PARD3B: variants seen among roughly 807,000 people sequenced by gnomAD.
PARD3B encodes par-3 family cell polarity regulator beta, also known as partitioning defective 3 homolog B.
In PARD3B, 103 loss-of-function variants were observed where a neutral mutation model predicts 130.2. The observed-to-expected ratio is 0.79, with a 90% CI of 0.67 to 0.93. PARD3B has a LOEUF of 0.93. Among genes scored for constraint, PARD3B ranks in the 40% least tolerant of loss-of-function variants. The pLI, the probability that PARD3B is intolerant of heterozygous loss-of-function variation, is 0.00. For synonymous variants in PARD3B, 583 were observed against 553.2 expected (o/e 1.05, Z -0.76); for missense variants, 1,609 against 1,499.2 (o/e 1.07, Z -1.21).
At chr2:205,499,786 T>C (rs2050089496) in intron 20 of PARD3B, 110 bp from the exon 21 acceptor site, 2 of 1,208,934 alleles carry the variant, frequency 1.7e-6, no homozygotes, top group Non-Finnish European at 2.3e-6. Flanking sequence ...TTGAATTACA[T>C]TATTGAATCT....
At chr2:205,289,624 A>G (rs1427334237) in intron 16 of PARD3B, among the ~76,000 whole-genome samples, 1 of 152,182 alleles carries the variant, frequency 6.6e-6, no homozygotes, top group Non-Finnish European at 1.5e-5. Flanking sequence ...CTGGAAACAC[A>G]GCTCCCAGTG....
At chr2:205,086,375 A>G (rs947887843) in intron 4 of PARD3B, among the ~76,000 whole-genome samples, 2 of 152,150 alleles carry the variant, frequency 1.3e-5, no homozygotes, top group Non-Finnish European at 2.9e-5. Context: ...TTTATTTTCC[A>G]TGAAGATGCA....
intron 21 of PARD3B, among the ~76,000 whole-genome samples, chr2:205,516,530 G>C (rs1436660564): frequency 1.3e-5 from 2 of 152,032 alleles, no homozygotes; most frequent in Non-Finnish European, 2.9e-5. Context: ...TCTTTTGGTG[G>C]CAGTTGTGAA....
intron 21 of PARD3B, among the ~76,000 whole-genome samples, chr2:205,504,716 C>G (rs533540916): frequency 5.9e-5 from 9 of 152,080 alleles, no homozygotes; most frequent in Non-Finnish European, 1.3e-4. Flanking sequence ...GTTAGAATGG[C>G]GATCATTAAA....
chr2:204,678,809 G>A lies in PARD3B; in HGVS notation c.121-7372G>A, dbSNP rs1432337573. 2.0e-5 allele frequency among the ~76,000 whole-genome samples: 3 copies of A among 152,118 alleles called. No homozygotes were observed. The highest frequency in any genetic ancestry group is 4.4e-5 in the Non-Finnish European group (3 of 68,020). On this transcript the variant is annotated intron_variant, in intron 1 of 22. Transcript: ENST00000406610. This position sits in a 1 kb window ranked among gnomAD's most constrained non-coding sequence, Gnocchi z 4.2. ...ATAACTGTTTTCATTTAGGGCTGCA[G>A]ATTCCAGGCTCGAGGGTGGGTTCTT...
intron 16 of PARD3B, among the ~76,000 whole-genome samples, chr2:205,297,616 AG>A (rs1241233888): frequency 6.6e-6 from 1 of 152,184 alleles, no homozygotes; most frequent in Non-Finnish European, 1.5e-5. Flanking sequence ...CCCCCAGTTC[AG>A]TCAGTTCACT....
intron 10 of PARD3B, among the ~76,000 whole-genome samples, chr2:205,141,467 C>A (rs1369775031): frequency 6.6e-6 from 1 of 152,066 alleles, no homozygotes; most frequent in African/African-American, 2.4e-5. Flanking sequence ...TTAATTTGAA[C>A]AGGGTAGTTG....
Position 204,546,794 on chromosome 2 carries a change from A to G in PARD3B, c.120+675A>G, listed in dbSNP as rs144000291. Among the ~76,000 whole-genome samples the G allele has an allele frequency of 1.4e-3, 218 of 152,344 alleles. 1 individual carries two copies. Among genetic ancestry groups the G allele is most frequent in the African/African-American group, 5.0e-3 (209 of 41,576 alleles). ...CAGGTCCTGAGTGACTATTAAAATG[A>G]GAAAGACGTTCCTAGCTCTGTAGCT... On this transcript the variant is annotated intron_variant, in intron 1 of 22. Transcript: ENST00000406610.
At chr2:204,868,103 G>A (rs541485439) in intron 2 of PARD3B, among the ~76,000 whole-genome samples, 15 of 152,234 alleles carry the variant, frequency 9.9e-5, no homozygotes, top group African/African-American at 3.6e-4. Flanking sequence ...TCTCACTTCT[G>A]GGGTGGTGAA....
intron 1 of PARD3B, among the ~76,000 whole-genome samples, chr2:204,601,377 C>G (rs979751796): frequency 2.0e-5 from 3 of 151,848 alleles, no homozygotes; most frequent in African/African-American, 7.3e-5. Context: ...ATCATCTTTG[C>G]AGTGGTTAGG....
intron 3 of PARD3B, among the ~76,000 whole-genome samples, chr2:204,983,586 C>A (rs1692872595): frequency 6.6e-6 from 1 of 152,094 alleles, no homozygotes; most frequent in Non-Finnish European, 1.5e-5. Flanking sequence ...TACCAACCTG[C>A]CATATTGACT....
At chr2:204,614,677 A>C (rs2034045903) in intron 1 of PARD3B, among the ~76,000 whole-genome samples, 1 of 152,104 alleles carries the variant, frequency 6.6e-6, no homozygotes, top group South Asian at 2.1e-4. Context: ...GCAGTTTCTC[A>C]TGAGTGGTTT....
At chr2:204,562,036 G>GC (rs1431580848) in intron 1 of PARD3B, among the ~76,000 whole-genome samples, 2 of 152,102 alleles carry the variant, frequency 1.3e-5, no homozygotes, top group African/African-American at 4.8e-5. Context: ...ATATTTGCCT[G>GC]CATGACTCAG....
At chr2:205,593,196 A>G (rs935563861) in intron 22 of PARD3B, among the ~76,000 whole-genome samples, 5 of 152,234 alleles carry the variant, frequency 3.3e-5, no homozygotes, top group Admixed American at 2.6e-4. Context: ...TCCCTGACAA[A>G]TGAATTGTTC....
intron 2 of PARD3B, among the ~76,000 whole-genome samples, chr2:204,712,776 A>G (rs2125303050): frequency 6.6e-6 from 1 of 152,212 alleles, no homozygotes; most frequent in East Asian, 1.9e-4. Context: ...AAATAGAGTA[A>G]TACCTTTTAA....
At chr2:205,164,849 G>A (rs1273122786) in intron 11 of PARD3B, among the ~76,000 whole-genome samples, 3 of 78,906 alleles carry the variant, frequency 3.8e-5, no homozygotes, top group African/African-American at 1.3e-4. Flanking sequence ...ACACACACAC[G>A]TAAGACCAGT....
At chr2:205,049,397 C>T (rs1699028747) in intron 4 of PARD3B, among the ~76,000 whole-genome samples, 3 of 152,164 alleles carry the variant, frequency 2.0e-5, no homozygotes, top group Admixed American at 2.0e-4. Flanking sequence ...TAAGAACTCA[C>T]TCACTATTAC....
chr2:204,743,613 T>G (rs984482448), intron 2 of PARD3B, among the ~76,000 whole-genome samples: 3 of 152,188 alleles, frequency 2.0e-5, no homozygotes, highest in Non-Finnish European at 2.9e-5. Flanking sequence ...GCCAGCTCAT[T>G]TGGGTTTCTA....
At position 205,034,745 on chromosome 2, in the gene PARD3B, A is replaced by G. The variant is rs115431366; in HGVS notation, c.395-12836A>G. Among the ~76,000 whole-genome samples the G allele has an allele frequency of 7.4e-3, 1,123 of 152,330 alleles. 11 individuals carry two copies. The highest frequency in any genetic ancestry group is 0.024 in the African/African-American group (979 of 41,580). ...TAATCGCAATTTATAAATAAAGTTAACATACTAGAGATGACAAAATGTGAG... is the reference window on the plus strand; with the variant it reads ...TAATCGCAATTTATAAATAAAGTTAGCATACTAGAGATGACAAAATGTGAG... On this transcript the variant is annotated intron_variant, in intron 3 of 22. Coordinates refer to ENST00000406610, the MANE Select transcript of PARD3B (RefSeq NM_001302769.2).
Sources: allele counts gnomAD v4.1 joint callset (sites outside exome capture counted in the v4.1 genomes callset), GRCh38; gene constraint gnomAD v4.1.1; non-coding constraint Gnocchi (gnomAD v3.1); transcripts MANE v1.5; gene names NCBI Gene and HGNC (gene_info 2026-07-23, HGNC 2026-07-21).